The following FAM117A variants were observed in gnomAD, a reference collection of about 807,000 sequenced individuals.
FAM117A encodes family with sequence similarity 117 member A, also known as protein FAM117A.
In FAM117A, 21 loss-of-function variants were observed where a neutral mutation model predicts 44.1. The ratio of observed to expected loss-of-function variants is 0.48; its 90% confidence interval spans 0.34 to 0.69. The LOEUF is 0.69. Among genes scored for constraint, FAM117A ranks in the 30% least tolerant of loss-of-function variants. The pLI is 0.01. For synonymous variants in FAM117A, 220 were observed against 238.3 expected (o/e 0.92, Z 0.71); for missense variants, 498 against 589.9 (o/e 0.84, Z 1.61).
chr17:49,769,216 A>C (rs533077428), intron 1 of FAM117A, among the ~76,000 whole-genome samples: 1 of 151,952 alleles, frequency 6.6e-6, no homozygotes, highest in East Asian at 1.9e-4. Context: ...AATCCCTTGA[A>C]CCCGGGAGGC....
chr17:49,746,852 A>G (rs1006865904), intron 1 of FAM117A, among the ~76,000 whole-genome samples: 1 of 152,240 alleles, frequency 6.6e-6, no homozygotes, highest in Non-Finnish European at 1.5e-5. Flanking sequence ...CATGAAGGAC[A>G]GTAAAAAGGC....
At position 49,717,729 on chromosome 17, in the gene FAM117A, C is replaced by T. The variant is rs201150618; in HGVS notation, c.709-15G>A. The stretch of plus-strand genomic sequence containing the variant: ...ATATCAAGGATCTAACGGGGAAGGA[C>T]GGTAAAGACTGTCAGCCCTGAGTAT... On this transcript the variant is annotated splice_polypyrimidine_tract_variant and intron_variant, in intron 5 of 7. Coordinates refer to ENST00000240364, the MANE Select transcript of FAM117A (RefSeq NM_030802.4). 7.6e-6 allele frequency: 12 copies of T among 1,579,834 alleles called. No individual in the cohort carries two copies. The highest frequency in any genetic ancestry group is 4.0e-5 in the African/African-American group (3 of 74,274).
chr17:49,712,382 C>T (rs1247727415), intron 7 of FAM117A, among the ~76,000 whole-genome samples: 4 of 152,188 alleles, frequency 2.6e-5, no homozygotes, highest in Admixed American at 6.5e-5. Context: ...AGTAGTACCA[C>T]GACTCCTCCC....
intron 1 of FAM117A, among the ~76,000 whole-genome samples, chr17:49,751,266 C>CA (rs1416518812): frequency 1.0e-5 from 1 of 97,454 alleles, no homozygotes; most frequent in African/African-American, 4.1e-5. Context: ...GCAACAAGAG[C>CA]AAAATCTGTC....
intron 1 of FAM117A, among the ~76,000 whole-genome samples, chr17:49,759,902 T>A (rs914275988): frequency 6.6e-6 from 1 of 152,220 alleles, no homozygotes; most frequent in African/African-American, 2.4e-5. Context: ...CAGCTCTTCA[T>A]AATCTGTTCA....
intron 2 of FAM117A, among the ~76,000 whole-genome samples, chr17:49,724,204 A>C (rs1411642359): frequency 6.6e-6 from 1 of 152,108 alleles, no homozygotes; most frequent in Non-Finnish European, 1.5e-5. Flanking sequence ...CAGCAGACAC[A>C]CAAAGGATCC....
chr17:49,729,425 AG>A (rs1243145018), intron 2 of FAM117A, among the ~76,000 whole-genome samples: 5 of 152,010 alleles, frequency 3.3e-5, no homozygotes, highest in African/African-American at 1.2e-4. Context: ...TAGAAGAGAA[AG>A]GGCAAAAGGT....
chr17:49,711,565 G>A lies in FAM117A; in HGVS notation c.1062-10C>T. ...GTCAGGACCTGGAGACCTGGAGGATGAAGAGAGACACACAAGACACATACG... is the reference window on the plus strand; with the variant it reads ...GTCAGGACCTGGAGACCTGGAGGATAAAGAGAGACACACAAGACACATACG... On this transcript the variant is annotated splice_polypyrimidine_tract_variant and intron_variant, in intron 7 of 7. Coordinates refer to ENST00000240364, the MANE Select transcript of FAM117A (RefSeq NM_030802.4). The A allele has an allele frequency of 6.2e-7, 1 of 1,613,186 alleles. No homozygotes were observed. Among genetic ancestry groups the A allele is most frequent in the Non-Finnish European group, 8.5e-7 (1 of 1,179,676 alleles).
At chr17:49,745,509 A>G (rs1489405426) in intron 1 of FAM117A, among the ~76,000 whole-genome samples, 1 of 152,204 alleles carries the variant, frequency 6.6e-6, no homozygotes, top group African/African-American at 2.4e-5. Context: ...AAGTGATCCA[A>G]CTGAGCCTGA....
At chr17:49,751,935 C>T (rs1395304617) in intron 1 of FAM117A, among the ~76,000 whole-genome samples, 3 of 116,406 alleles carry the variant, frequency 2.6e-5, no homozygotes, top group Admixed American at 2.2e-4. Context: ...CAGAGTGAGA[C>T]TCCATCTCAA....
chr17:49,727,032 G>C (rs566762090), intron 2 of FAM117A, among the ~76,000 whole-genome samples: 1 of 152,066 alleles, frequency 6.6e-6, no homozygotes, highest in South Asian at 2.1e-4. Flanking sequence ...CCACAACAGG[G>C]GTCACACCAT....
chr17:49,732,914 C>G (rs759507789), intron 1 of FAM117A, 194 bp from the exon 2 acceptor site: 23 of 588,586 alleles, frequency 3.9e-5, no homozygotes, highest in East Asian at 1.1e-4. Context: ...ACTCAGCCAG[C>G]CTTTATCATG....
intron 1 of FAM117A, among the ~76,000 whole-genome samples, chr17:49,783,347 A>AG (rs937445349): frequency 9.2e-5 from 14 of 152,038 alleles, no homozygotes; most frequent in Admixed American, 3.9e-4. Context: ...AAGTGGAGGA[A>AG]GGGGGGGAGA....
At chr17:49,746,753 G>A (rs564818008) in intron 1 of FAM117A, among the ~76,000 whole-genome samples, 1 of 152,318 alleles carries the variant, frequency 6.6e-6, no homozygotes, top group East Asian at 1.9e-4. Context: ...AGAGACAGAG[G>A]TAAAAACAGC....
intron 3 of FAM117A, among the ~76,000 whole-genome samples, chr17:49,721,046 T>C (rs1313055126): frequency 6.6e-6 from 1 of 152,140 alleles, no homozygotes; most frequent in African/African-American, 2.4e-5. Context: ...GAAGATGATG[T>C]TTCTGAATGC....
intron 1 of FAM117A, 89 bp from the exon 2 acceptor site, chr17:49,732,809 G>T (rs964609294): frequency 1.5e-5 from 21 of 1,393,574 alleles, no homozygotes; most frequent in Non-Finnish European, 2.0e-5. Context: ...GATGTGGCCT[G>T]CCTGCCCCGT....
In FAM117A at chr17:49,717,633, G is replaced by C; in HGVS notation, c.790C>G (p.Pro264Ala). The change falls in exon 6 of 8, where the codon CCT becomes GCT. Residue 264 changes from proline (P) to alanine (A), a missense_variant. This residue lies in a region of FAM117A where 224 missense variants were observed against 296.5 expected (regional missense o/e 0.76). Transcript: ENST00000240364. ...GAAGGAGAGCTGGCAAGGTTGCCAG[G>C]CTCCAGGAGGAGGAGGGGATGATCA... ...SCDHPLLLLE[P>A]GNLASSPSMS... is the part of the protein sequence containing the mutation. 2 of 1,614,130 alleles carry C rather than the reference G, an allele frequency of 1.2e-6. No individual in the cohort carries two copies. The highest frequency in any genetic ancestry group is 1.7e-6 in the Non-Finnish European group (2 of 1,179,988).
At chr17:49,745,013 C>CAAAAAAAA (rs34358343) in intron 1 of FAM117A, among the ~76,000 whole-genome samples, 1 of 71,948 alleles carries the variant, frequency 1.4e-5, no homozygotes, top group African/African-American at 6.3e-5. Context: ...GACTCTGTCT[C>CAAAAAAAA]AAAAAAAAAA....
chr17:49,764,947 G>T (rs2073740706), upstream of FAM117A, among the ~76,000 whole-genome samples: 1 of 152,180 alleles, frequency 6.6e-6, no homozygotes, highest in Admixed American at 6.5e-5. Flanking sequence ...TCAGCAGAGT[G>T]AAAGGAACAA....
Sources: allele counts gnomAD v4.1 joint callset (sites outside exome capture counted in the v4.1 genomes callset), GRCh38; gene constraint gnomAD v4.1.1; regional missense constraint gnomAD v4.1.1; transcripts MANE v1.5; gene names NCBI Gene and HGNC (gene_info 2026-07-23, HGNC 2026-07-21).